Variants in FBXL7 observed in about 807,000 individuals in gnomAD.
FBXL7 encodes F-box/LRR-repeat protein 7.
Under a neutral mutation model 38.3 loss-of-function variants are expected in FBXL7, and 12 were observed. The ratio of observed to expected loss-of-function variants is 0.31; its 90% CI spans 0.20 to 0.51. FBXL7 has a LOEUF of 0.51. FBXL7 is among the 20% of genes least tolerant of loss of function. The pLI is 0.98. For synonymous variants in FBXL7, 297 were observed against 300.9 expected (o/e 0.99, Z 0.13); for missense variants, 567 against 676.4 (o/e 0.84, Z 1.79).
chr5:15,801,108 G>C (rs1347114701), intron 2 of FBXL7, among the ~76,000 whole-genome samples: 1 of 152,142 alleles, frequency 6.6e-6, no homozygotes, highest in African/African-American at 2.4e-5. Flanking sequence ...GATTTTATTA[G>C]GCCTGCCTGT....
At chr5:15,664,875 T>G (rs199810893) in intron 2 of FBXL7, among the ~76,000 whole-genome samples, 1 of 46 alleles carries the variant, frequency 0.022, no homozygotes, top group African/African-American at 0.083. Context: ...ATTTTTTCAG[T>G]TTTTTTTTTT....
intron 2 of FBXL7, among the ~76,000 whole-genome samples, chr5:15,759,739 T>G (rs1002158500): frequency 1.2e-4 from 19 of 152,290 alleles, no homozygotes; most frequent in African/African-American, 4.3e-4. Context: ...AAAATGTTTA[T>G]CACTGTGTAC....
chr5:15,921,839 A>G (rs1210661281), intron 2 of FBXL7, among the ~76,000 whole-genome samples: 1 of 152,186 alleles, frequency 6.6e-6, no homozygotes, highest in Non-Finnish European at 1.5e-5. Context: ...AAAAGACAAG[A>G]GATAATAAGT....
chr5:15,820,102 T>A (rs1394516541), intron 2 of FBXL7, among the ~76,000 whole-genome samples: 3 of 152,224 alleles, frequency 2.0e-5, no homozygotes, highest in Non-Finnish European at 4.4e-5. Context: ...GTTTGTTTGC[T>A]GGTGGGATGA....
intron 2 of FBXL7, among the ~76,000 whole-genome samples, chr5:15,627,983 AAAG>A (rs1208209549): frequency 6.6e-6 from 1 of 152,212 alleles, no homozygotes; most frequent in African/African-American, 2.4e-5. Context: ...TATATGTAAA[AAAG>A]AAAAATGTAG....
chr5:15,652,590 A>G lies in FBXL7; in HGVS notation c.127+36518A>G, dbSNP rs193218412. Among the ~76,000 whole-genome samples, 264 of 152,216 alleles carry G rather than the reference A, an allele frequency of 1.7e-3. 2 individuals are homozygous for G. Among genetic ancestry groups the G allele is most frequent in the African/African-American group, 5.8e-3 (240 of 41,538 alleles). The stretch of plus-strand genomic sequence containing the variant: ...AAGAAATTTTTCTTTTTCATTTACA[A>G]CTTGGCTAACAGGAGGCCTAGCTTT... On this transcript the variant is annotated intron_variant, in intron 2 of 3. Transcript: ENST00000504595.
chr5:15,823,749 A>G (rs1213811357), intron 2 of FBXL7, among the ~76,000 whole-genome samples: 1 of 152,054 alleles, frequency 6.6e-6, no homozygotes, highest in Admixed American at 6.6e-5. Context: ...GACCATCTCA[A>G]ATGTACAAAG....
chr5:15,735,289 A>G (rs1169896984), intron 2 of FBXL7, among the ~76,000 whole-genome samples: 1 of 152,204 alleles, frequency 6.6e-6, no homozygotes, highest in Non-Finnish European at 1.5e-5. Context: ...AACAGAGTTC[A>G]TGATTAATAG....
At chr5:15,592,859 G>C (rs1022526881) in intron 1 of FBXL7, among the ~76,000 whole-genome samples, 2 of 152,086 alleles carry the variant, frequency 1.3e-5, no homozygotes, top group African/African-American at 4.8e-5. Flanking sequence ...TTTTAGCCTC[G>C]AGCTAAAATT....
At chr5:15,714,848 C>CA (rs35229749) in intron 2 of FBXL7, among the ~76,000 whole-genome samples, 47,747 of 76,434 alleles carry the variant, frequency 0.62, 14,003 homozygotes, top group East Asian at 0.75. Flanking sequence ...GAGTCCGTCT[C>CA]AAAAAAAAAA....
intron 2 of FBXL7, among the ~76,000 whole-genome samples, chr5:15,629,047 G>T (rs1209578651): frequency 6.6e-6 from 1 of 152,024 alleles, no homozygotes; most frequent in Non-Finnish European, 1.5e-5. Context: ...GGAGGCTGAG[G>T]TGGGAGGGTT....
intron 2 of FBXL7, among the ~76,000 whole-genome samples, chr5:15,683,543 C>T (rs139626154): frequency 0.024 from 3,703 of 152,218 alleles, 63 homozygotes; most frequent in Non-Finnish European, 0.039. Context: ...TCTGGGACAT[C>T]ATAAAGAGGG....
At chr5:15,643,132 A>G (rs1561066076) in intron 2 of FBXL7, among the ~76,000 whole-genome samples, 1 of 152,194 alleles carries the variant, frequency 6.6e-6, no homozygotes. Flanking sequence ...AAGACAGCTC[A>G]AGTTATGTAA....
At chr5:15,935,692 G>C (rs1385594300) in intron 3 of FBXL7, among the ~76,000 whole-genome samples, 1 of 152,230 alleles carries the variant, frequency 6.6e-6, no homozygotes, top group Non-Finnish European at 1.5e-5. Context: ...CTCAACTAAA[G>C]AGAGTTGGAT....
At chr5:15,517,827 A>G (rs1175585964) in intron 1 of FBXL7, among the ~76,000 whole-genome samples, 3 of 152,036 alleles carry the variant, frequency 2.0e-5, no homozygotes, top group African/African-American at 7.2e-5. Flanking sequence ...AATTTGGGAG[A>G]AAAAAATTGA....
chr5:15,595,966 G>C (rs1325685928), intron 1 of FBXL7, among the ~76,000 whole-genome samples: 1 of 152,142 alleles, frequency 6.6e-6, no homozygotes, highest in Non-Finnish European at 1.5e-5. Context: ...GAAATAACAT[G>C]AAATAACAAG....
chr5:15,830,449 A>G (rs921323384), intron 2 of FBXL7, among the ~76,000 whole-genome samples: 1 of 150,650 alleles, frequency 6.6e-6, no homozygotes, highest in Non-Finnish European at 1.5e-5. Context: ...ATGCCACTAT[A>G]CTCTAGCCTG....
Position 15,505,365 on chromosome 5 carries a change from G to A in FBXL7, c.37+4652G>A, listed in dbSNP as rs945582671. On this transcript the variant is annotated intron_variant, in intron 1 of 3. Transcript: ENST00000504595. ...GTGAGTGTAGGCTGAATGGGGACCC[G>A]GGGCCAGCTCTATCTAAGCCCAGAG... 3.3e-5 allele frequency among the ~76,000 whole-genome samples: 5 copies of A among 152,046 alleles called. 1 individual carries two copies. The highest frequency in any genetic ancestry group is 1.2e-4 in the African/African-American group (5 of 41,370).
At chr5:15,664,279 T>A (rs1232963420) in intron 2 of FBXL7, among the ~76,000 whole-genome samples, 1 of 152,178 alleles carries the variant, frequency 6.6e-6, no homozygotes, top group Non-Finnish European at 1.5e-5. Flanking sequence ...CTTTGTGTTA[T>A]GTGGTCGTGT....
Sources: gnomAD v4.1 joint callset for allele counts (sites outside exome capture counted in the v4.1 genomes callset) on GRCh38, gnomAD v4.1.1 for gene constraint, MANE v1.5 for transcripts, NCBI Gene and HGNC (gene_info 2026-07-23, HGNC 2026-07-21) for gene names.